ELMO1: variants seen among roughly 807,000 people sequenced by gnomAD.
ELMO1 encodes the protein engulfment and cell motility 1.
A neutral mutation model predicts 98.9 loss-of-function variants in ELMO1; 26 were observed. The ratio of observed to expected loss-of-function variants is 0.26; its 90% CI spans 0.19 to 0.36. The LOEUF is 0.36. ELMO1 is among the 10% of genes least tolerant of loss of function. The pLI is 1.00. For missense variants in ELMO1, 627 were observed against 935.2 expected, an observed-to-expected ratio of 0.67 and a Z score of 4.30; for synonymous variants, 346 against 346.0, an observed-to-expected ratio of 1.00 and a Z score of 0.00.
intron 1 of ELMO1, among the ~76,000 whole-genome samples, chr7:37,440,553 G>C (rs547076549): frequency 6.6e-6 from 1 of 151,766 alleles, no homozygotes. Flanking sequence ...GGTGGATCAC[G>C]AGGTCAGGAG....
chr7:36,888,129 G>A (rs1207021370), intron 17 of ELMO1, among the ~76,000 whole-genome samples: 2 of 152,150 alleles, frequency 1.3e-5, no homozygotes, highest in East Asian at 1.9e-4. Flanking sequence ...AGCAAACACT[G>A]TGTAGTGAGC....
At chr7:37,057,166 G>A (rs773886996) in intron 15 of ELMO1, among the ~76,000 whole-genome samples, 2 of 151,916 alleles carry the variant, frequency 1.3e-5, no homozygotes, top group East Asian at 1.9e-4. Context: ...ATTACCAATC[G>A]CAGGTTTTAC....
intron 16 of ELMO1, among the ~76,000 whole-genome samples, chr7:36,975,036 A>G (rs956709659): frequency 6.6e-6 from 1 of 152,198 alleles, no homozygotes; most frequent in African/African-American, 2.4e-5. Context: ...GAGATGTGAC[A>G]CTCACTGCGA....
At chr7:37,003,903 C>T (rs1792863616) in intron 16 of ELMO1, among the ~76,000 whole-genome samples, 1 of 152,156 alleles carries the variant, frequency 6.6e-6, no homozygotes, top group Admixed American at 6.5e-5. Flanking sequence ...GCCCTCAACC[C>T]TCCATTCATC....
intron 1 of ELMO1, among the ~76,000 whole-genome samples, chr7:37,382,463 G>T (rs961930685): frequency 6.6e-6 from 1 of 152,156 alleles, no homozygotes; most frequent in African/African-American, 2.4e-5. Context: ...TGAGCTGAAG[G>T]TAATTTTTTT....
chr7:37,373,470 G>T (rs1233900829), intron 1 of ELMO1, among the ~76,000 whole-genome samples: 2 of 151,998 alleles, frequency 1.3e-5, no homozygotes, highest in African/African-American at 4.8e-5. Context: ...TTAGCTGGGT[G>T]TGGTGGCACA....
chr7:36,964,786 G>A (rs528749112), intron 16 of ELMO1, among the ~76,000 whole-genome samples: 3 of 152,264 alleles, frequency 2.0e-5, no homozygotes, highest in Non-Finnish European at 2.9e-5. Context: ...CAACGCATAC[G>A]TGAGTTACCA....
chr7:37,428,030 G>GTGT (rs1804778486), intron 1 of ELMO1, among the ~76,000 whole-genome samples: 3 of 149,898 alleles, frequency 2.0e-5, no homozygotes, highest in African/African-American at 7.4e-5. Flanking sequence ...GTATGCTTGG[G>GTGT]GTGTGTGTGT....
chr7:37,024,017 CCT>C (rs896044566), intron 15 of ELMO1, among the ~76,000 whole-genome samples: 1 of 152,110 alleles, frequency 6.6e-6, no homozygotes. Context: ...AAATCATCTC[CCT>C]CTCTTTTTCC....
Position 37,263,047 on chromosome 7 carries a change from C to T in ELMO1, c.244-3697G>A, listed in dbSNP as rs150012987. ...AAAATATTATGTCAAACTGGTGGGACCCTTTTAATGCAATATTTTTCCAAT... is the reference window on the plus strand; with the variant it reads ...AAAATATTATGTCAAACTGGTGGGATCCTTTTAATGCAATATTTTTCCAAT... On this transcript the variant is annotated intron_variant, in intron 5 of 21. Transcript: ENST00000310758. 1.4e-3 allele frequency among the ~76,000 whole-genome samples: 208 copies of T among 152,180 alleles called. 2 individuals carry two copies. Among genetic ancestry groups the T allele is most frequent in the African/African-American group, 4.6e-3 (191 of 41,530 alleles).
chr7:37,082,502 C>T (rs755358517), intron 15 of ELMO1, among the ~76,000 whole-genome samples: 5 of 152,018 alleles, frequency 3.3e-5, no homozygotes, highest in Admixed American at 1.3e-4. Context: ...CCAGGAGTTC[C>T]AGACCAGCCT....
rs1318550314 is a variant in ELMO1, at chr7:37,364,792, TAGAA to T, written c.-73-22033_-73-22030del. Among the ~76,000 whole-genome samples the T allele has an allele frequency of 3.3e-5, 5 of 152,296 alleles. No individual in the cohort carries two copies. In the East Asian group the frequency reaches 7.7e-4, roughly 23 times the overall value. ...ATATCGGCTTTTCTATTACCATTGA[TAGAA>T]AGATAACACAAAAAGTGAATCCTAT... is the stretch of plus-strand genomic sequence containing the variant. On this transcript the variant is annotated intron_variant, in intron 1 of 21. Transcript: ENST00000310758.
rs772310718 is a variant in ELMO1, at chr7:37,013,450, T to C, written c.1301-15A>G. 9.9e-6 allele frequency: 16 copies of C among 1,612,868 alleles called. No individual in the cohort carries two copies. The highest frequency in any genetic ancestry group is 2.2e-5 in the South Asian group (2 of 90,966). On this transcript the variant is annotated splice_polypyrimidine_tract_variant and intron_variant, in intron 15 of 21. Transcript: ENST00000310758. ...GGTCTCACTAGCTGGAGGAAAGAGA[T>C]GGAAAATAAGAGAAAAAGTTTTAAA...
intron 20 of ELMO1, among the ~76,000 whole-genome samples, chr7:36,863,197 G>A (rs532881677): frequency 3.9e-5 from 6 of 152,246 alleles, no homozygotes; most frequent in South Asian, 4.1e-4. Flanking sequence ...ATGCTGAGTC[G>A]TGGAATGGGA....
intron 13 of ELMO1, among the ~76,000 whole-genome samples, chr7:37,196,274 G>T (rs1454637896): frequency 1.3e-5 from 2 of 152,168 alleles, no homozygotes; most frequent in Non-Finnish European, 2.9e-5. Flanking sequence ...GGTGGGGGAG[G>T]ACTGGCGTCA....
intron 1 of ELMO1, among the ~76,000 whole-genome samples, chr7:37,351,635 A>G (rs1469814312): frequency 6.6e-6 from 1 of 152,228 alleles, no homozygotes; most frequent in Non-Finnish European, 1.5e-5. Context: ...TCCTTCCTAG[A>G]TAGACAAACT....
chr7:36,860,638 T>C (rs1309122609), intron 21 of ELMO1, among the ~76,000 whole-genome samples: 1 of 152,346 alleles, frequency 6.6e-6, no homozygotes, highest in East Asian at 1.9e-4. Context: ...CACAGCTCTA[T>C]ACATCTTGAA....
intron 13 of ELMO1, among the ~76,000 whole-genome samples, chr7:37,193,802 G>A (rs765377538): frequency 4.6e-5 from 7 of 152,094 alleles, no homozygotes; most frequent in Non-Finnish European, 8.8e-5. Context: ...TTTCTCTCCT[G>A]CTGGCAGATG....
chr7:37,020,860 A>T (rs1016178437), intron 15 of ELMO1, among the ~76,000 whole-genome samples: 7 of 152,220 alleles, frequency 4.6e-5, no homozygotes, highest in Admixed American at 4.6e-4. Context: ...GGAATATATC[A>T]TACACACACA....
Sources: gnomAD v4.1 joint callset for allele counts (sites outside exome capture counted in the v4.1 genomes callset) on GRCh38, gnomAD v4.1.1 for gene constraint, MANE v1.5 for transcripts, NCBI Gene and HGNC (gene_info 2026-07-23, HGNC 2026-07-21) for gene names.